PAPOLA: variants seen among roughly 807,000 people sequenced by gnomAD.
PAPOLA encodes the protein polynucleotide adenylyltransferase alpha.
Under a neutral mutation model 100.6 loss-of-function variants are expected in PAPOLA, and 15 were observed. The ratio of observed to expected loss-of-function variants is 0.15; its 90% CI spans 0.10 to 0.23. The LOEUF is 0.23. PAPOLA is among the 10% of genes least tolerant of loss of function. PAPOLA has a pLI of 1.00. For missense variants in PAPOLA, 533 were observed against 884.2 expected (o/e 0.60, Z 5.04); for synonymous variants, 293 against 300.0 (o/e 0.98, Z 0.24).
intron 1 of PAPOLA, among the ~76,000 whole-genome samples, chr14:96,505,939 C>A (rs191344436): frequency 1.6e-3 from 249 of 152,234 alleles, no homozygotes; most frequent in Middle Eastern, 6.8e-3. Context: ...GAGTCTTGCT[C>A]TGTCGCCGGG....
chr14:96,522,566 C>G, intron 3 of PAPOLA, among the ~76,000 whole-genome samples: 1 of 152,066 alleles, frequency 6.6e-6, no homozygotes, highest in East Asian at 1.9e-4. Flanking sequence ...GTGGGCACCA[C>G]CAAGCCTGGC....
chr14:96,529,941 C>G (rs1286942814), intron 6 of PAPOLA, among the ~76,000 whole-genome samples: 5 of 152,188 alleles, frequency 3.3e-5, no homozygotes, highest in African/African-American at 1.2e-4. Context: ...TTAGGCTGTA[C>G]TTTCCCCAGT....
chr14:96,555,342 G>A (rs1459988282), intron 17 of PAPOLA, among the ~76,000 whole-genome samples: 1 of 150,866 alleles, frequency 6.6e-6, no homozygotes, highest in African/African-American at 2.4e-5. Context: ...CAGAGTGCTA[G>A]GGTTACAGGC....
chr14:96,520,342 A>G (rs577177806), intron 2 of PAPOLA, 114 bp downstream of exon 2: 4 of 764,806 alleles, frequency 5.2e-6, no homozygotes, highest in Middle Eastern at 3.8e-4. Flanking sequence ...GCCCAGATCT[A>G]TATATCTGTT....
intron 9 of PAPOLA, chr14:96,533,033 G>GC: frequency 1.2e-6 from 1 of 828,568 alleles, no homozygotes; most frequent in East Asian, 1.2e-4. Context: ...TCTTGTGATT[G>GC]TTTTTTTTTT....
intron 1 of PAPOLA, among the ~76,000 whole-genome samples, chr14:96,507,346 G>A (rs1566829618): frequency 7.1e-6 from 1 of 141,302 alleles, no homozygotes; most frequent in African/African-American, 2.7e-5. Flanking sequence ...GGAGTGCTGT[G>A]GCGCGATCTC....
At chr14:96,515,570 T>G (rs765885470) in intron 1 of PAPOLA, among the ~76,000 whole-genome samples, 2 of 152,186 alleles carry the variant, frequency 1.3e-5, no homozygotes, top group African/African-American at 2.4e-5. Context: ...TACAGTAACT[T>G]TTGTATTTTT....
intron 17 of PAPOLA, chr14:96,553,389 T>C (rs1473665474): frequency 6.6e-6 from 1 of 152,222 alleles, no homozygotes; most frequent in Admixed American, 6.6e-5. Flanking sequence ...TATGCACCTG[T>C]AGTCGTGGCC....
In PAPOLA at chr14:96,527,996, A is replaced by G. The variant is rs1898643276; in HGVS notation, c.485A>G (p.Asp162Gly). 6.2e-7 allele frequency: 1 copy of G among 1,601,308 alleles called. No homozygotes were observed. The highest frequency in any genetic ancestry group is 8.6e-7 in the Non-Finnish European group (1 of 1,168,548). Residue 162 changes from aspartate to glycine, a missense_variant, in exon 6 of 22, where the codon GAT becomes GGT. Physicochemically the swap from Asp to Gly is moderately conservative, Grantham distance 94. This residue lies in a region of PAPOLA where 33 missense variants were observed against 39.2 expected (regional missense o/e 0.84). Transcript: ENST00000216277. ...AFVPVIKLCFDGIEIDILFAR... is the reference protein window; with the variant it reads ...AFVPVIKLCFGGIEIDILFAR... ...GTACCAGTTATTAAACTCTGTTTTG[A>G]TGGGATAGAGGTAAGGTATAGTTCA...
intron 15 of PAPOLA, among the ~76,000 whole-genome samples, chr14:96,544,728 A>G (rs1900250806): frequency 6.6e-6 from 1 of 152,048 alleles, no homozygotes; most frequent in Non-Finnish European, 1.5e-5. Context: ...GAGAAATGGG[A>G]AACAACTTGA....
At chr14:96,525,709 A>G (rs796175633) in intron 4 of PAPOLA, among the ~76,000 whole-genome samples, 4 of 152,284 alleles carry the variant, frequency 2.6e-5, no homozygotes, top group African/African-American at 9.6e-5. Context: ...CTGTGATTGC[A>G]TTGCTACACT....
At chr14:96,553,955 G>T (rs1012105833) in intron 17 of PAPOLA, among the ~76,000 whole-genome samples, 2 of 152,138 alleles carry the variant, frequency 1.3e-5, no homozygotes, top group African/African-American at 4.8e-5. Flanking sequence ...GGCAAATCAT[G>T]CATAATCCAA....
chr14:96,543,369 G>A (rs973361837), intron 14 of PAPOLA, among the ~76,000 whole-genome samples: 9 of 152,096 alleles, frequency 5.9e-5, no homozygotes, highest in East Asian at 1.9e-4. Context: ...ACCTTTTTAG[G>A]GGTCTTTTAT....
chr14:96,511,780 A>T (rs1001436374), intron 1 of PAPOLA, among the ~76,000 whole-genome samples: 10 of 152,222 alleles, frequency 6.6e-5, no homozygotes, highest in African/African-American at 2.4e-4. Context: ...CAAAAGGTAG[A>T]TGAGAAAAAA....
intron 14 of PAPOLA, 31 bp downstream of exon 14, chr14:96,542,924 C>T (rs756501962): frequency 1.2e-6 from 2 of 1,604,188 alleles, no homozygotes; most frequent in Non-Finnish European, 1.7e-6. Context: ...ATTTCTTCTT[C>T]CCATTTCCAA....
chr14:96,534,263 C>T (rs186058094), intron 9 of PAPOLA: 103 of 1,339,934 alleles, frequency 7.7e-5, no homozygotes, highest in Non-Finnish European at 9.2e-5. Context: ...TGGCAGAGAA[C>T]GTTTTTGGTT....
At chr14:96,531,323 G>T in intron 6 of PAPOLA, 152 bp from the exon 7 acceptor site, 1 of 608,756 alleles carries the variant, frequency 1.6e-6, no homozygotes. Context: ...ATAGAGACAG[G>T]GTTTCGCCAT....
chr14:96,519,580 CTA>C (rs1897771104), intron 1 of PAPOLA, among the ~76,000 whole-genome samples: 1 of 152,058 alleles, frequency 6.6e-6, no homozygotes, highest in African/African-American at 2.4e-5. Context: ...AGGGAAAGAA[CTA>C]TATTCAGTTC....
chr14:96,516,119 A>T (rs1267820266), intron 1 of PAPOLA, among the ~76,000 whole-genome samples: 1 of 152,210 alleles, frequency 6.6e-6, no homozygotes, highest in Non-Finnish European at 1.5e-5. Context: ...GTTAAATGGA[A>T]AATCTTCACT....
Sources: gnomAD v4.1 joint callset for allele counts (sites outside exome capture counted in the v4.1 genomes callset) on GRCh38, gnomAD v4.1.1 for gene constraint, gnomAD v4.1.1 regional missense constraint, MANE v1.5 for transcripts, NCBI Gene and HGNC (gene_info 2026-07-23, HGNC 2026-07-21) for gene names.